The following TTC21B variants were observed in gnomAD, a reference collection of about 807,000 sequenced individuals.
TTC21B encodes tetratricopeptide repeat protein 21B.
In TTC21B, 127 loss-of-function variants were observed where a neutral mutation model predicts 175.1. The ratio of observed to expected loss-of-function variants is 0.73; its 90% CI spans 0.63 to 0.84. The LOEUF (loss-of-function observed/expected upper bound fraction) is 0.84, where lower values mean the gene tolerates loss of function less well. Ranked by LOEUF, TTC21B falls within the 40% of genes least tolerant of loss-of-function variation. The pLI is 0.00. For missense variants in TTC21B, 1,561 were observed against 1,558.3 expected (o/e 1.00, Z -0.03); for synonymous variants, 524 against 524.5 (o/e 1.00, Z 0.01).
Position 165,917,363 on chromosome 2 carries a change from A to G in TTC21B, c.1793T>C (p.Ile598Thr), listed in dbSNP as rs143612688. The G allele has an allele frequency of 3.0e-5, 49 of 1,614,050 alleles. No homozygotes were observed. Among genetic ancestry groups the G allele is most frequent in the Non-Finnish European group, 4.2e-5 (49 of 1,180,026 alleles). The change falls in exon 14 of 29, where the codon ATT becomes ACT. Residue 598 changes from isoleucine to threonine, a missense_variant. Transcript: ENST00000243344. ...MAMSLPGMKR[I>T]GASTKSKDRK... ...GTCTTTTGATTTTGTGGAAGCTCCA[A>G]TTCTTTTCATTCCTGGTAAACTCAT...
chr2:165,878,545 T>C (rs1684741767), intron 27 of TTC21B, among the ~76,000 whole-genome samples: 1 of 148,758 alleles, frequency 6.7e-6, no homozygotes, highest in East Asian at 2.0e-4. Flanking sequence ...TGTGTAGATA[T>C]ATGTGTGTGT....
chr2:165,947,414 T>C (rs1247200456), intron 3 of TTC21B: 1 of 151,208 alleles, frequency 6.6e-6, no homozygotes, highest in Non-Finnish European at 1.5e-5. Context: ...ATCTAATGAG[T>C]GAAGGAAACA....
chr2:165,878,879 A>G (rs932843667), intron 27 of TTC21B, among the ~76,000 whole-genome samples: 5 of 151,946 alleles, frequency 3.3e-5, no homozygotes, highest in Admixed American at 1.3e-4. Flanking sequence ...ACGGAGTTTC[A>G]CCATGTTGGC....
At chr2:165,927,490 T>C (rs1474012853) in intron 11 of TTC21B, among the ~76,000 whole-genome samples, 1 of 149,996 alleles carries the variant, frequency 6.7e-6, no homozygotes, top group Non-Finnish European at 1.5e-5. Flanking sequence ...TGTCATTTTC[T>C]AAACATATTA....
At chr2:165,906,595 A>C (rs2105311981) in intron 19 of TTC21B, among the ~76,000 whole-genome samples, 1 of 152,298 alleles carries the variant, frequency 6.6e-6, no homozygotes, top group Middle Eastern at 3.4e-3. Flanking sequence ...GAAATCTATT[A>C]AAAACTTTCC....
rs1172896379 is a variant in TTC21B, at chr2:165,901,764, C to T, written c.2715G>A (p.Lys905=). 1 of 1,614,132 alleles carries T rather than the reference C, an allele frequency of 6.2e-7. No homozygotes were observed. Among genetic ancestry groups the T allele is most frequent in the Non-Finnish European group, 8.5e-7 (1 of 1,180,010 alleles). Residue 905 remains lysine (K), a synonymous_variant, in exon 20 of 29, where the codon AAG becomes AAA. Transcript: ENST00000243344. Reference sequence around the variant, plus strand: ...AGTGAACCAGAGCCTCTCTATAAAACTTAATTGCTTTTTCATAGTCTCGCT... The same window carrying T: ...AGTGAACCAGAGCCTCTCTATAAAATTTAATTGCTTTTTCATAGTCTCGCT... The part of the protein sequence containing the change: ...VAQRDYEKAI[K]FYREALVHCE...
chr2:165,951,754 G>A (rs573723917), intron 1 of TTC21B, among the ~76,000 whole-genome samples: 3 of 152,200 alleles, frequency 2.0e-5, no homozygotes, highest in South Asian at 2.1e-4. Flanking sequence ...CTGTCCCCCC[G>A]GAAAACCTAC....
intron 15 of TTC21B, among the ~76,000 whole-genome samples, chr2:165,914,602 TA>T (rs1311131989): frequency 2.0e-5 from 3 of 149,948 alleles, no homozygotes; most frequent in Non-Finnish European, 3.0e-5. Context: ...TTCTCTTACA[TA>T]GAGTGTATGC....
At position 165,908,679 on chromosome 2, in the gene TTC21B, G is replaced by T. The variant is rs536363491; in HGVS notation, c.2462-895C>A. ...TTAATATGAGTCCTGATGAGATAAT[G>T]TATGAAACGTATATGAAGGCATCTA... On this transcript the variant is annotated intron_variant, in intron 18 of 28. Coordinates refer to ENST00000243344, the MANE Select transcript of TTC21B (RefSeq NM_024753.5). Among the ~76,000 whole-genome samples, 6 of 152,216 alleles carry T rather than the reference G, an allele frequency of 3.9e-5. No homozygotes were observed. The South Asian group carries it at 1.2e-3, about 32-fold the overall frequency.
chr2:165,899,693 G>C, intron 21 of TTC21B, 77 bp downstream of exon 21: 2 of 896,532 alleles, frequency 2.2e-6, no homozygotes, highest in South Asian at 1.3e-5. Flanking sequence ...TCATCATCTA[G>C]TAGTAGTTCC....
chr2:165,921,811 T>C (rs560739109), intron 12 of TTC21B, among the ~76,000 whole-genome samples: 1 of 151,058 alleles, frequency 6.6e-6, no homozygotes, highest in South Asian at 2.1e-4. Flanking sequence ...TTTTGGTTAC[T>C]AGAAATTTTC....
chr2:165,919,642 T>C (rs1320376330), intron 12 of TTC21B, among the ~76,000 whole-genome samples: 1 of 152,200 alleles, frequency 6.6e-6, no homozygotes, highest in Admixed American at 6.5e-5. Flanking sequence ...GTCAGGCAAG[T>C]TCTTGATCCT....
In TTC21B at chr2:165,890,500, T is replaced by C; in HGVS notation, c.3242A>G (p.Glu1081Gly). The change falls in exon 24 of 29, where the codon GAA becomes GGA. Residue 1081 changes from glutamate to glycine, a missense_variant. Glu to Gly is a moderately conservative substitution (Grantham distance 98). Transcript: ENST00000243344. ...TCACCCCAGGTCTCCATCCAGGTTT[T>C]CAAATACTTCACCTCCAACAGTTTC... ...DNETVGGEVF[E>G]NLDGDLGNST... 6.2e-7 allele frequency: 1 copy of C among 1,613,536 alleles called. No individual in the cohort carries two copies. The highest frequency in any genetic ancestry group is 8.5e-7 in the Non-Finnish European group (1 of 1,179,640).
intron 21 of TTC21B, 108 bp from the exon 22 acceptor site, chr2:165,898,875 G>A (rs1685459362): frequency 6.8e-6 from 5 of 732,452 alleles, no homozygotes; most frequent in South Asian, 5.9e-5. Context: ...ACATGAGGAG[G>A]GGGCAGCATT....
rs760571843 is a variant in TTC21B, at chr2:165,913,620, G to C, written c.2165C>G (p.Pro722Arg). Residue 722 changes from proline to arginine, a missense_variant, in exon 16 of 29, where the codon CCT becomes CGT. Physicochemically the swap from Pro to Arg is moderately radical, Grantham distance 103. Coordinates refer to ENST00000243344, the MANE Select transcript of TTC21B (RefSeq NM_024753.5). Reference sequence around the variant, plus strand: ...ATCACCAAGGAGAAGAAAAGACCGAGGGTTAGCCATTCTTTCAGCAATTTC... The same window carrying C: ...ATCACCAAGGAGAAGAAAAGACCGACGGTTAGCCATTCTTTCAGCAATTTC... ...FREIAERMAN[P>R]RSFLLLGDAY... 1.7e-5 allele frequency: 27 copies of C among 1,612,880 alleles called. No homozygotes were observed. The South Asian group carries it at 2.2e-4, about 13-fold the overall frequency.
chr2:165,886,089 TA>T (rs1462984513), intron 25 of TTC21B, among the ~76,000 whole-genome samples: 1 of 152,214 alleles, frequency 6.6e-6, no homozygotes, highest in Non-Finnish European at 1.5e-5. Flanking sequence ...ATTGTGAACA[TA>T]CCCTATGTTT....
intron 11 of TTC21B, among the ~76,000 whole-genome samples, chr2:165,925,170 A>C (rs547429124): frequency 7.2e-5 from 11 of 152,186 alleles, no homozygotes; most frequent in Admixed American, 1.3e-4. Context: ...GGTAAACAGA[A>C]GGTAGAACAC....
intron 22 of TTC21B, among the ~76,000 whole-genome samples, chr2:165,897,801 C>G (rs1393557800): frequency 2.6e-5 from 4 of 152,146 alleles, no homozygotes; most frequent in Non-Finnish European, 4.4e-5. Context: ...ACTCAAACAG[C>G]AGGCAATGGG....
intron 19 of TTC21B, among the ~76,000 whole-genome samples, chr2:165,906,974 A>G (rs112287329): frequency 0.14 from 20,070 of 146,756 alleles, 1,597 homozygotes; most frequent in East Asian, 0.25. Context: ...AAAAAAAAAA[A>G]AAAGAAAAAA....
Sources: gnomAD v4.1 joint callset for allele counts (sites outside exome capture counted in the v4.1 genomes callset) on GRCh38, gnomAD v4.1.1 for gene constraint, MANE v1.5 for transcripts, NCBI Gene and HGNC (gene_info 2026-07-23, HGNC 2026-07-21) for gene names.